The following GRIK1 variants were observed in gnomAD, a reference collection of about 807,000 sequenced individuals.
The protein encoded by GRIK1 is glutamate receptor ionotropic, kainate 1.
GRIK1 carries 69 observed loss-of-function variants against 105.7 expected under a neutral mutation model. The observed-to-expected ratio is 0.65, with a 90% CI of 0.54 to 0.80. The LOEUF (loss-of-function observed/expected upper bound fraction) is 0.80, where lower values mean the gene tolerates loss of function less well. Ranked by LOEUF, GRIK1 falls within the 30% of genes least tolerant of loss-of-function variation. The pLI is 0.00. For missense variants in GRIK1, 1,109 were observed against 1,167.3 expected (o/e 0.95, Z 0.73); for synonymous variants, 438 against 431.3 (o/e 1.02, Z -0.19).
At chr21:29,771,179 T>A (rs1000201777) in intron 1 of GRIK1, among the ~76,000 whole-genome samples, 2 of 152,226 alleles carry the variant, frequency 1.3e-5, no homozygotes, top group African/African-American at 2.4e-5. Flanking sequence ...TTGCAGTGTT[T>A]AAATGAAAAA....
chr21:29,923,792 C>T (rs2071265545), intron 1 of GRIK1, among the ~76,000 whole-genome samples: 1 of 152,082 alleles, frequency 6.6e-6, no homozygotes, highest in South Asian at 2.1e-4. Context: ...AATCAATAGT[C>T]CCGTTAGATA....
chr21:29,788,951 C>A (rs1480966903), intron 1 of GRIK1, among the ~76,000 whole-genome samples: 1 of 152,222 alleles, frequency 6.6e-6, no homozygotes, highest in African/African-American at 2.4e-5. Context: ...TCACTCACGG[C>A]TCCCCTGCTG....
At position 29,606,460 on chromosome 21, in the gene GRIK1, G is replaced by C. The variant is rs191378766; in HGVS notation, c.1099-7523C>G. 1.6e-4 allele frequency among the ~76,000 whole-genome samples: 25 copies of C among 152,032 alleles called. 1 individual carries two copies. Among genetic ancestry groups the C allele is most frequent in the Non-Finnish European group, 2.4e-4 (16 of 67,974 alleles). On this transcript the variant is annotated intron_variant, in intron 7 of 17. Coordinates refer to ENST00000327783, the MANE Select transcript of GRIK1 (RefSeq NM_001330994.2). ...CCCTGGTGGCCTCTAGAACCACCGTGCCTCTCCGTCTTTTTACAGCAAGCT... is the reference window on the plus strand; with the variant it reads ...CCCTGGTGGCCTCTAGAACCACCGTCCCTCTCCGTCTTTTTACAGCAAGCT...
chr21:29,802,740 G>A (rs979363089), intron 1 of GRIK1, among the ~76,000 whole-genome samples: 1 of 152,124 alleles, frequency 6.6e-6, no homozygotes, highest in Non-Finnish European at 1.5e-5. Context: ...CATCATCTGC[G>A]ATCCATTTTG....
At position 29,553,330 on chromosome 21, in the gene GRIK1, T is replaced by C. The variant is rs374381563; in HGVS notation, c.2607+1722A>G. The C allele has an allele frequency of 1.3e-4, 153 of 1,145,434 alleles. 2 individuals are homozygous for C. The East Asian group carries it at 6.2e-3, about 46-fold the overall frequency. The allele number at this position is 1,145,434 out of a possible 1,614,324, so 71.0% of individuals were successfully genotyped here. A position where few individuals can be genotyped will look rare whatever the true frequency, so the allele number is the denominator to read the frequency against. On this transcript the variant is annotated intron_variant, in intron 16 of 17. Transcript: ENST00000327783. ...GTGGGACAGAGAAGATTCCTGTAAATACACATTTCTAGAAGTCTTTATACC... is the reference window on the plus strand; with the variant it reads ...GTGGGACAGAGAAGATTCCTGTAAACACACATTTCTAGAAGTCTTTATACC...
chr21:29,621,632 T>A (rs1396723854), intron 7 of GRIK1, among the ~76,000 whole-genome samples: 1 of 152,224 alleles, frequency 6.6e-6, no homozygotes, highest in East Asian at 1.9e-4. Context: ...AGGTCCCATG[T>A]CCAGGGGAGA....
chr21:29,604,455 AG>A (rs2061575828), intron 7 of GRIK1, among the ~76,000 whole-genome samples: 1 of 152,134 alleles, frequency 6.6e-6, no homozygotes, highest in African/African-American at 2.4e-5. Flanking sequence ...ATTGTTGATA[AG>A]CATTTATTAA....
At chr21:29,786,860 C>A (rs557621507) in intron 1 of GRIK1, among the ~76,000 whole-genome samples, 23 of 152,282 alleles carry the variant, frequency 1.5e-4, no homozygotes, top group African/African-American at 5.3e-4. Flanking sequence ...CCCCAGTAAG[C>A]CTTCAGATAA....
chr21:29,541,573 G>GTTTTTTTT (rs1202014711), intron 16 of GRIK1, among the ~76,000 whole-genome samples: 15 of 83,726 alleles, frequency 1.8e-4, no homozygotes, highest in African/African-American at 9.5e-4. Context: ...TGCACTCACG[G>GTTTTTTTT]TCTTTTTTTT....
At chr21:29,655,087 C>T (rs1039610398) in intron 4 of GRIK1, among the ~76,000 whole-genome samples, 4 of 152,144 alleles carry the variant, frequency 2.6e-5, no homozygotes, top group Non-Finnish European at 4.4e-5. Flanking sequence ...TGACCTACAT[C>T]GAAGTAATGG....
intron 1 of GRIK1, among the ~76,000 whole-genome samples, chr21:29,709,512 C>T (rs1389783531): frequency 2.6e-5 from 4 of 151,938 alleles, no homozygotes; most frequent in South Asian, 2.1e-4. Flanking sequence ...AACTCCTGAC[C>T]TCAGGTAATC....
At chr21:29,768,090 G>C (rs1033807949) in intron 1 of GRIK1, among the ~76,000 whole-genome samples, 5 of 152,156 alleles carry the variant, frequency 3.3e-5, no homozygotes, top group African/African-American at 4.8e-5. Context: ...CCTCATGCAA[G>C]GTGCTTGAAG....
At chr21:29,582,394 C>T (rs755986978) in intron 12 of GRIK1, 13 of 461,254 alleles carry the variant, frequency 2.8e-5, no homozygotes, top group Non-Finnish European at 4.9e-5. Context: ...GGTCTACCTG[C>T]AAGGTGGTGC....
chr21:29,868,029 G>A (rs7281134), intron 1 of GRIK1, among the ~76,000 whole-genome samples: 6 of 95,040 alleles, frequency 6.3e-5, no homozygotes, highest in African/African-American at 9.7e-5. Context: ...AGAAAGAAAG[G>A]AAGGAAGGAA....
chr21:29,884,517 A>G (rs1202193901), intron 1 of GRIK1, among the ~76,000 whole-genome samples: 1 of 151,956 alleles, frequency 6.6e-6, no homozygotes, highest in Non-Finnish European at 1.5e-5. Flanking sequence ...TCAGGGAGAG[A>G]GTTACTTGAT....
chr21:29,920,672 A>G (rs892766104), intron 1 of GRIK1, among the ~76,000 whole-genome samples: 2 of 152,052 alleles, frequency 1.3e-5, no homozygotes, highest in Admixed American at 6.6e-5. Flanking sequence ...GCTCATTCAT[A>G]TGTATCCAGT....
At chr21:29,786,113 G>A (rs150466866) in intron 1 of GRIK1, among the ~76,000 whole-genome samples, 167 of 152,218 alleles carry the variant, frequency 1.1e-3, no homozygotes, top group African/African-American at 3.9e-3. Context: ...CTCAGCCTCC[G>A]GAGTAGCTGG....
intron 7 of GRIK1, among the ~76,000 whole-genome samples, chr21:29,629,604 C>T (rs2062216831): frequency 6.6e-6 from 1 of 151,992 alleles, no homozygotes; most frequent in Admixed American, 6.6e-5. Context: ...ATTCTCCTGC[C>T]TCAGCATCCG....
At chr21:29,831,862 C>G (rs2067651377) in intron 1 of GRIK1, among the ~76,000 whole-genome samples, 1 of 152,156 alleles carries the variant, frequency 6.6e-6, no homozygotes, top group African/African-American at 2.4e-5. Context: ...AGTCTTAACT[C>G]ATTTCAACAT....
Sources: gnomAD v4.1 joint callset for allele counts (sites outside exome capture counted in the v4.1 genomes callset) on GRCh38, gnomAD v4.1.1 for gene constraint, MANE v1.5 for transcripts, NCBI Gene and HGNC (gene_info 2026-07-23, HGNC 2026-07-21) for gene names.